The following JAM3 variants were observed in gnomAD, a reference collection of about 807,000 sequenced individuals.
JAM3 encodes junctional adhesion molecule 3, also known as junctional adhesion molecule C.
JAM3 carries 31 observed loss-of-function variants against 39.4 expected under a neutral mutation model. That is an observed-to-expected ratio of 0.79 (90% CI 0.59 to 1.06). The LOEUF (loss-of-function observed/expected upper bound fraction) is 1.06. JAM3 is among the 50% of genes least tolerant of loss of function. The pLI is 0.00. For synonymous variants in JAM3, 182 were observed against 148.7 expected, an observed-to-expected ratio of 1.22 and a Z score of -1.63; for missense variants, 455 against 391.4, an observed-to-expected ratio of 1.16 and a Z score of -1.37.
intron 1 of JAM3, among the ~76,000 whole-genome samples, chr11:134,087,713 C>A (rs1045309901): frequency 6.6e-6 from 1 of 152,208 alleles, no homozygotes; most frequent in Non-Finnish European, 1.5e-5. Flanking sequence ...TGGATTTACA[C>A]TATGCTCTCA....
At chr11:134,132,515 G>A (rs989516456) in intron 1 of JAM3, among the ~76,000 whole-genome samples, 2 of 152,158 alleles carry the variant, frequency 1.3e-5, no homozygotes, top group Admixed American at 6.5e-5. Flanking sequence ...CTAATTTCAC[G>A]AGTTAATATT....
chr11:134,124,222 T>A (rs1412884849), intron 1 of JAM3: 6 of 1,362,306 alleles, frequency 4.4e-6, no homozygotes, highest in Admixed American at 1.7e-5. Context: ...ACTCCATACT[T>A]CTTAAGTTCC....
intron 1 of JAM3, among the ~76,000 whole-genome samples, chr11:134,103,579 A>G (rs1026839513): frequency 3.9e-5 from 6 of 152,246 alleles, no homozygotes; most frequent in African/African-American, 1.4e-4. Flanking sequence ...AATTGGATAA[A>G]GAGTCAAGAC....
At chr11:134,148,398 G>C (rs1426433315) in intron 6 of JAM3, 149 bp from the exon 7 acceptor site, 6 of 857,730 alleles carry the variant, frequency 7.0e-6, no homozygotes, top group Non-Finnish European at 1.2e-5. Flanking sequence ...TAGAAGGATT[G>C]TAAGTGTTCT....
At chr11:134,133,156 G>C (rs972301288) in intron 1 of JAM3, among the ~76,000 whole-genome samples, 1 of 152,116 alleles carries the variant, frequency 6.6e-6, no homozygotes. Context: ...CTGCAGCCTT[G>C]GTGAACTCAT....
chr11:134,098,580 T>C (rs975586879), intron 1 of JAM3, among the ~76,000 whole-genome samples: 2 of 152,174 alleles, frequency 1.3e-5, no homozygotes, highest in African/African-American at 4.8e-5. Flanking sequence ...TCAGTTGTCT[T>C]CCTTATATGT....
chr11:134,117,128 G>C (rs1942450436), intron 1 of JAM3, among the ~76,000 whole-genome samples: 1 of 152,062 alleles, frequency 6.6e-6, no homozygotes, highest in Admixed American at 6.6e-5. Flanking sequence ...TTGGGAGGCT[G>C]AGGTGGGTGG....
intron 8 of JAM3, 135 bp downstream of exon 8, chr11:134,148,953 G>C (rs920667975): frequency 1.5e-6 from 1 of 685,988 alleles, no homozygotes; most frequent in Non-Finnish European, 2.4e-6. Context: ...CCCCTTCACA[G>C]TAACACACAC....
intron 1 of JAM3, among the ~76,000 whole-genome samples, chr11:134,108,304 T>G (rs1054417873): frequency 3.3e-5 from 5 of 150,516 alleles, no homozygotes; most frequent in African/African-American, 1.2e-4. Context: ...AAAAAAAAAC[T>G]GCCCACAAAG....
intron 1 of JAM3, among the ~76,000 whole-genome samples, chr11:134,124,988 ACGACACCCCCCAGCCTCAGCGCG>A (rs1230393451): frequency 6.6e-6 from 1 of 151,674 alleles, no homozygotes; most frequent in African/African-American, 2.4e-5. Flanking sequence ...GGCAGCGGCG[ACGACACCCCCCAGCCTCAGCGCG>A]CGACACCCGC....
chr11:134,076,960 A>G (rs1359253958), intron 1 of JAM3, among the ~76,000 whole-genome samples: 7 of 149,326 alleles, frequency 4.7e-5, no homozygotes, highest in Non-Finnish European at 1.5e-5. Flanking sequence ...TCAGCCTCCC[A>G]AGTAACTGGG....
intron 1 of JAM3, among the ~76,000 whole-genome samples, chr11:134,113,515 C>T (rs955730632): frequency 6.6e-6 from 1 of 152,278 alleles, no homozygotes; most frequent in Admixed American, 6.5e-5. Flanking sequence ...CAACAAAGGA[C>T]ATGAACTCAT....
intron 1 of JAM3, among the ~76,000 whole-genome samples, chr11:134,081,159 A>T (rs954731185): frequency 5.3e-5 from 8 of 152,230 alleles, no homozygotes; most frequent in Non-Finnish European, 1.0e-4. Context: ...TCAGTTTTAT[A>T]AGAGAAGCAG....
intron 1 of JAM3, among the ~76,000 whole-genome samples, chr11:134,085,093 C>T (rs1448366468): frequency 6.6e-6 from 1 of 152,146 alleles, no homozygotes; most frequent in Non-Finnish European, 1.5e-5. Context: ...TTTGTAGGGC[C>T]TACCGTGAAT....
rs2120397840 is a variant in JAM3, at chr11:134,149,516, CCT to C, written c.*336_*337del. On this transcript the variant is annotated 3_prime_UTR_variant, in exon 9 of 9. Coordinates refer to ENST00000299106, the MANE Select transcript of JAM3 (RefSeq NM_032801.5). ...GCTCACGTAAACGCCCGTGCTGGGC[CCT>C]GTGAAGCCAGCATGTTCACCACTGG... 1 of 509,734 alleles carries C rather than the reference CCT, an allele frequency of 2.0e-6. No individual in the cohort carries two copies. The highest frequency in any genetic ancestry group is 1.6e-5 in the South Asian group (1 of 62,198). The allele number at this position is 509,734 out of a possible 1,614,324, so 31.6% of individuals were successfully genotyped here. A position where few individuals can be genotyped will look rare whatever the true frequency, so the allele number is the denominator to read the frequency against.
chr11:134,123,842 C>A, intron 1 of JAM3: 1 of 792,018 alleles, frequency 1.3e-6, no homozygotes, highest in Non-Finnish European at 2.3e-6. Context: ...CACAGCAGTG[C>A]CCGTTGGTAT....
chr11:134,140,640 T>C lies in JAM3; in HGVS notation c.143-17T>C. ...CTCCACATTCACCGAGAGCTCTTTT[T>C]CTTCTTTGCGTGTTAGGTGTGGAAC... On this transcript the variant is annotated splice_polypyrimidine_tract_variant and intron_variant, in intron 2 of 8. Transcript: ENST00000299106. 1.2e-6 allele frequency: 2 copies of C among 1,605,852 alleles called. No individual in the cohort carries two copies. Among genetic ancestry groups the C allele is most frequent in the East Asian group, 2.2e-5 (1 of 44,856 alleles).
chr11:134,116,975 C>T (rs919855062), intron 1 of JAM3, among the ~76,000 whole-genome samples: 1 of 151,790 alleles, frequency 6.6e-6, no homozygotes, highest in Admixed American at 6.6e-5. Flanking sequence ...TTTGTTTAAC[C>T]AAGACAAGGA....
chr11:134,113,356 C>T (rs953233463), intron 1 of JAM3, among the ~76,000 whole-genome samples: 3 of 152,122 alleles, frequency 2.0e-5, no homozygotes, highest in Admixed American at 6.6e-5. Context: ...CCCTACCCCA[C>T]GACAGGCCCT....
Sources: gnomAD v4.1 joint callset for allele counts (sites outside exome capture counted in the v4.1 genomes callset) on GRCh38, gnomAD v4.1.1 for gene constraint, MANE v1.5 for transcripts, NCBI Gene and HGNC (gene_info 2026-07-23, HGNC 2026-07-21) for gene names.